The following ERBB4 variants were observed in gnomAD, a reference collection of about 807,000 sequenced individuals.
The protein encoded by ERBB4 is erb-b2 receptor tyrosine kinase 4, also known as receptor tyrosine-protein kinase erbB-4.
ERBB4 carries 42 observed loss-of-function variants against 158.0 expected under a neutral mutation model. The observed-to-expected ratio is 0.27, with a 90% CI of 0.21 to 0.34. The LOEUF is 0.34. Among genes scored for constraint, ERBB4 ranks in the 10% least tolerant of loss-of-function variants. The pLI, the probability that ERBB4 is intolerant of heterozygous loss-of-function variation, is 1.00. For missense variants in ERBB4, 1,333 were observed against 1,624.1 expected, an observed-to-expected ratio of 0.82 and a Z score of 3.08; for synonymous variants, 583 against 558.7, an observed-to-expected ratio of 1.04 and a Z score of -0.61.
At chr2:211,734,518 A>G (rs1314460818) in intron 5 of ERBB4, among the ~76,000 whole-genome samples, 1 of 150,838 alleles carries the variant, frequency 6.6e-6, no homozygotes, top group Non-Finnish European at 1.5e-5. Flanking sequence ...AATGTTCATT[A>G]GTTGTAACTG....
chr2:211,606,463 G>A (rs2068980444), intron 19 of ERBB4, among the ~76,000 whole-genome samples: 1 of 151,782 alleles, frequency 6.6e-6, no homozygotes, highest in Admixed American at 6.6e-5. Context: ...TTTTCTATAG[G>A]CTGTTACTTT....
chr2:211,393,181 G>A (rs1395696345), intron 25 of ERBB4, among the ~76,000 whole-genome samples: 2 of 151,992 alleles, frequency 1.3e-5, no homozygotes, highest in African/African-American at 4.8e-5. Flanking sequence ...CTTTTATTGT[G>A]TTTCATAGAT....
rs569229789 is a variant in ERBB4, at chr2:212,002,785, G to A, written c.235-55169C>T. Among the ~76,000 whole-genome samples the A allele has an allele frequency of 3.9e-5, 6 of 152,060 alleles. 1 individual carries two copies. Among genetic ancestry groups the A allele is most frequent in the African/African-American group, 7.2e-5 (3 of 41,514 alleles). On this transcript the variant is annotated intron_variant, in intron 2 of 27. Transcript: ENST00000342788. Reference sequence around the variant, plus strand: ...TTTGAAAAATGAATGTCAGCTGGGCGGGGTGGCTCACGCCTGTAATCCCAG... The same window carrying A: ...TTTGAAAAATGAATGTCAGCTGGGCAGGGTGGCTCACGCCTGTAATCCCAG...
chr2:211,802,580 T>C (rs1157430288), intron 3 of ERBB4, among the ~76,000 whole-genome samples: 1 of 152,264 alleles, frequency 6.6e-6, no homozygotes, highest in African/African-American at 2.4e-5. Flanking sequence ...AGAATGATGA[T>C]TTATTAATAA....
intron 1 of ERBB4, among the ~76,000 whole-genome samples, chr2:212,151,966 C>A: frequency 6.6e-6 from 1 of 152,286 alleles, no homozygotes; most frequent in East Asian, 1.9e-4. Context: ...CCAAGTTCCA[C>A]TCTTTATTCT....
chr2:211,525,802 C>T (rs1235229043), intron 20 of ERBB4, among the ~76,000 whole-genome samples: 1 of 152,116 alleles, frequency 6.6e-6, no homozygotes, highest in East Asian at 1.9e-4. Flanking sequence ...CAGCGAGAGT[C>T]TGGCAATACT....
Position 211,788,052 on chromosome 2 carries a change from G to C in ERBB4, c.529C>G (p.Leu177Val), listed in dbSNP as rs1355303125. 1.2e-6 allele frequency: 2 copies of C among 1,613,516 alleles called. No individual in the cohort carries two copies. The highest frequency in any genetic ancestry group is 2.2e-5 in the East Asian group (1 of 44,808). Residue 177 changes from leucine to valine, a missense_variant, in exon 4 of 28, where the codon CTT (leucine) becomes GTT (valine). Transcript: ENST00000342788. ...CCTGAACTACCATTTGTTGACACAA[G>C]AGTCAAGTTGGAAGGCCATGGGTTC... ...VRNPWPSNLTLVSTNGSSGCG... is the reference protein window; with the variant it reads ...VRNPWPSNLTVVSTNGSSGCG...
chr2:212,488,531 C>T (rs771789206), intron 1 of ERBB4, among the ~76,000 whole-genome samples: 52 of 151,950 alleles, frequency 3.4e-4, no homozygotes, highest in South Asian at 6.2e-4. Flanking sequence ...TTTGTAGACA[C>T]TATACTTCAA....
intron 1 of ERBB4, among the ~76,000 whole-genome samples, chr2:212,269,629 A>G (rs905417952): frequency 1.3e-5 from 2 of 151,870 alleles, no homozygotes; most frequent in African/African-American, 2.4e-5. Flanking sequence ...ACAAATAAAC[A>G]TGGGATGAAG....
intron 1 of ERBB4, among the ~76,000 whole-genome samples, chr2:212,344,693 G>A (rs920110177): frequency 2.0e-5 from 3 of 152,046 alleles, no homozygotes; most frequent in Non-Finnish European, 4.4e-5. Flanking sequence ...TACTTTCATG[G>A]TATATAACAA....
At chr2:211,818,679 T>C (rs756817467) in intron 3 of ERBB4, among the ~76,000 whole-genome samples, 1 of 152,082 alleles carries the variant, frequency 6.6e-6, no homozygotes, top group Non-Finnish European at 1.5e-5. Flanking sequence ...TTGGAATAAA[T>C]ACACTAAAAC....
chr2:211,697,700 C>T (rs2073076651), intron 12 of ERBB4, among the ~76,000 whole-genome samples: 1 of 152,086 alleles, frequency 6.6e-6, no homozygotes, highest in African/African-American at 2.4e-5. Context: ...TTTCAGATCA[C>T]TGAAATTTAA....
chr2:211,417,319 T>TA (rs60507748), intron 25 of ERBB4, among the ~76,000 whole-genome samples: 33 of 147,072 alleles, frequency 2.2e-4, no homozygotes, highest in Non-Finnish European at 3.7e-4. Flanking sequence ...CAAAAAAATA[T>TA]AAAAAAAAAT....
At chr2:211,801,915 C>T (rs1189888244) in intron 3 of ERBB4, among the ~76,000 whole-genome samples, 2 of 152,106 alleles carry the variant, frequency 1.3e-5, no homozygotes, top group Admixed American at 6.5e-5. Context: ...TTCATGCTAC[C>T]TAGCTGAGAT....
At chr2:212,162,649 T>G (rs981412466) in intron 1 of ERBB4, among the ~76,000 whole-genome samples, 1 of 151,952 alleles carries the variant, frequency 6.6e-6, no homozygotes, top group African/African-American at 2.4e-5. Flanking sequence ...TTCTGATTTC[T>G]GCAATTCATG....
chr2:212,004,901 T>C (rs1328076849), intron 2 of ERBB4, among the ~76,000 whole-genome samples: 13 of 152,158 alleles, frequency 8.5e-5, no homozygotes, highest in Non-Finnish European at 1.3e-4. Context: ...TGATTAATTA[T>C]TTCAGTAAGG....
At chr2:211,926,576 A>G (rs2080026588) in intron 3 of ERBB4, among the ~76,000 whole-genome samples, 1 of 152,268 alleles carries the variant, frequency 6.6e-6, no homozygotes, top group South Asian at 2.1e-4. Context: ...CTGCCTAAAG[A>G]CTTGCTAAGC....
At chr2:212,389,962 T>C (rs776289650) in intron 1 of ERBB4, among the ~76,000 whole-genome samples, 12 of 151,778 alleles carry the variant, frequency 7.9e-5, no homozygotes, top group Non-Finnish European at 1.6e-4. Context: ...GACTCTGCTG[T>C]GCTCTCTAGA....
chr2:211,520,527 G>T (rs1321065286), intron 20 of ERBB4, among the ~76,000 whole-genome samples: 1 of 152,044 alleles, frequency 6.6e-6, no homozygotes, highest in Non-Finnish European at 1.5e-5. Context: ...AGGGGAGAGG[G>T]TTAAGAGAGA....
Sources: gnomAD v4.1 joint callset for allele counts (sites outside exome capture counted in the v4.1 genomes callset) on GRCh38, gnomAD v4.1.1 for gene constraint, MANE v1.5 for transcripts, NCBI Gene and HGNC (gene_info 2026-07-23, HGNC 2026-07-21) for gene names.